Variants in CACNA1C observed in about 807,000 individuals in gnomAD.
CACNA1C encodes the protein calcium voltage-gated channel subunit alpha1 C.
Under a neutral mutation model 229.0 loss-of-function variants are expected in CACNA1C, and 30 were observed. The observed-to-expected ratio is 0.13, with a 90% confidence interval of 0.10 to 0.18. CACNA1C has a LOEUF of 0.18. Among genes scored for constraint, CACNA1C ranks in the 10% least tolerant of loss-of-function variants. The pLI is 1.00. For synonymous variants in CACNA1C, 1,114 were observed against 1,132.5 expected, an observed-to-expected ratio of 0.98 and a Z score of 0.33; for missense variants, 1,658 against 2,845.0, an observed-to-expected ratio of 0.58 and a Z score of 9.49.
intron 32 of CACNA1C, among the ~76,000 whole-genome samples, chr12:2,652,294 G>C (rs1189631355): frequency 6.6e-6 from 1 of 152,168 alleles, no homozygotes; most frequent in Non-Finnish European, 1.5e-5. Flanking sequence ...CCTTCGAATG[G>C]GCCCAGGACT....
chr12:2,619,887 G>C (rs1321983664), intron 29 of CACNA1C, among the ~76,000 whole-genome samples: 1 of 151,994 alleles, frequency 6.6e-6, no homozygotes, highest in Non-Finnish European at 1.5e-5. Context: ...CTTGCCTGGG[G>C]CGACTTTGGC....
At chr12:2,509,259 G>A (rs2099778318) in intron 8 of CACNA1C, among the ~76,000 whole-genome samples, 1 of 152,180 alleles carries the variant, frequency 6.6e-6, no homozygotes, top group Admixed American at 6.5e-5. Context: ...AAAAGGTCAG[G>A]ACACACGTGC....
chr12:2,633,889 A>G lies in CACNA1C; in HGVS notation c.3829-408A>G, dbSNP rs2091689851. 6.6e-6 allele frequency among the ~76,000 whole-genome samples: 1 copy of G among 152,014 alleles called. No homozygotes were observed. The highest frequency in any genetic ancestry group is 1.5e-5 in the Non-Finnish European group (1 of 68,000). ...CCTGCCGTCGTCCTGTGGGGGAAAAAAAGTGGGAGCTTCTCCTCCTTTTTT... is the reference window on the plus strand; with the variant it reads ...CCTGCCGTCGTCCTGTGGGGGAAAAGAAGTGGGAGCTTCTCCTCCTTTTTT... On this transcript the variant is annotated intron_variant, in intron 29 of 46. Transcript: ENST00000399655. This position sits in a 1 kb window ranked among gnomAD's most constrained non-coding sequence, Gnocchi z 5.8.
chr12:2,635,300 T>C (rs1351457235), intron 30 of CACNA1C, among the ~76,000 whole-genome samples: 1 of 152,238 alleles, frequency 6.6e-6, no homozygotes, highest in Non-Finnish European at 1.5e-5. Flanking sequence ...TTCCTGCACA[T>C]GTCTTTTCTG....
intron 3 of CACNA1C, among the ~76,000 whole-genome samples, chr12:2,296,292 A>T (rs1178839049): frequency 1.3e-5 from 2 of 152,186 alleles, no homozygotes. Context: ...TGGCAGGGGA[A>T]CCTAAAACTC....
In CACNA1C at chr12:2,653,861, C is replaced by T. The variant is rs201174821; in HGVS notation, c.4101C>T (p.Ile1367=). ...CCCTGCCCTATGTGGCCCTCCTGAT[C>T]GTGATGCTGTTCTTCATCTACGCGG... ...FQALPYVALL[I]VMLFFIYAVI... Residue 1367 remains isoleucine, a synonymous_variant, in exon 33 of 47, where the codon ATC becomes ATT. Transcript: ENST00000399655. This position sits in a 1 kb window ranked among gnomAD's most constrained non-coding sequence, Gnocchi z 4.7. The T allele has an allele frequency of 1.4e-5, 22 of 1,613,794 alleles. No homozygotes were observed. The highest frequency in any genetic ancestry group is 5.5e-5 in the South Asian group (5 of 91,074).
intron 1 of CACNA1C, among the ~76,000 whole-genome samples, chr12:2,030,597 A>C (rs761409484): frequency 8.5e-5 from 13 of 152,124 alleles, no homozygotes; most frequent in Non-Finnish European, 1.5e-4. Flanking sequence ...TTTTGTCCAC[A>C]CAGGGGCCTG....
intron 3 of CACNA1C, among the ~76,000 whole-genome samples, chr12:2,163,253 AT>A (rs1478022179): frequency 2.0e-5 from 3 of 152,056 alleles, no homozygotes; most frequent in Admixed American, 1.3e-4. Context: ...ATGCTTTAAA[AT>A]TGACAGTGCA....
intron 10 of CACNA1C, among the ~76,000 whole-genome samples, chr12:2,554,326 G>C (rs958294688): frequency 6.6e-6 from 1 of 152,154 alleles, no homozygotes; most frequent in African/African-American, 2.4e-5. Context: ...CCTACCCAGT[G>C]GATCTGTTCT....
intron 3 of CACNA1C, among the ~76,000 whole-genome samples, chr12:2,295,187 C>A (rs1210292201): frequency 6.6e-6 from 1 of 152,166 alleles, no homozygotes; most frequent in African/African-American, 2.4e-5. Context: ...AGTGAACATC[C>A]TTAAGCCCTT....
intron 30 of CACNA1C, among the ~76,000 whole-genome samples, chr12:2,637,527 C>G (rs542190711): frequency 4.8e-4 from 73 of 152,352 alleles, no homozygotes; most frequent in Admixed American, 1.5e-3. Context: ...TAACTCTGGG[C>G]CTTGAGGGGC....
At chr12:2,529,845 C>G (rs73252713) in intron 9 of CACNA1C, among the ~76,000 whole-genome samples, 8,508 of 152,300 alleles carry the variant, frequency 0.056, 331 homozygotes, top group African/African-American at 0.11. Context: ...GGAAGGCCAG[C>G]TAGCCAGCTA....
At chr12:2,270,911 G>A (rs536111479) in intron 3 of CACNA1C, among the ~76,000 whole-genome samples, 12 of 152,326 alleles carry the variant, frequency 7.9e-5, no homozygotes, top group South Asian at 2.1e-4. Context: ...GTGGTGGGGG[G>A]TGTGGGTGAA....
At chr12:2,518,257 C>T (rs781436821) in intron 9 of CACNA1C, among the ~76,000 whole-genome samples, 1 of 152,076 alleles carries the variant, frequency 6.6e-6, no homozygotes, top group Non-Finnish European at 1.5e-5. Context: ...ACCTGAATAT[C>T]GCTGATTTAC....
chr12:2,193,408 T>C (rs922486416), intron 3 of CACNA1C, among the ~76,000 whole-genome samples: 1 of 152,104 alleles, frequency 6.6e-6, no homozygotes, highest in Non-Finnish European at 1.5e-5. Context: ...TGAGCTGAGA[T>C]TGCACCATTG....
chr12:2,489,637 T>C (rs2239090), intron 6 of CACNA1C, among the ~76,000 whole-genome samples: 4,749 of 152,336 alleles, frequency 0.031, 102 homozygotes, highest in East Asian at 0.12. Flanking sequence ...TGAAATCATC[T>C]TCATTCTATT....
intron 3 of CACNA1C, among the ~76,000 whole-genome samples, chr12:2,316,944 C>T (rs1252902033): frequency 6.6e-6 from 1 of 152,180 alleles, no homozygotes; most frequent in Non-Finnish European, 1.5e-5. Context: ...GTGCCTGAAA[C>T]ATAAAAGGAA....
intron 6 of CACNA1C, among the ~76,000 whole-genome samples, chr12:2,492,495 A>G (rs1049958071): frequency 6.6e-6 from 1 of 152,256 alleles, no homozygotes; most frequent in African/African-American, 2.4e-5. Context: ...CATGACATGC[A>G]TGAAATACAG....
intron 9 of CACNA1C, among the ~76,000 whole-genome samples, chr12:2,533,507 C>T (rs2099845844): frequency 6.6e-6 from 1 of 152,218 alleles, no homozygotes; most frequent in Admixed American, 6.5e-5. Flanking sequence ...CCAGTCTTTC[C>T]AGGGTGCTTC....
Sources: allele counts gnomAD v4.1 joint callset (sites outside exome capture counted in the v4.1 genomes callset), GRCh38; gene constraint gnomAD v4.1.1; non-coding constraint Gnocchi (gnomAD v3.1); transcripts MANE v1.5; gene names NCBI Gene and HGNC (gene_info 2026-07-23, HGNC 2026-07-21).